The following ACTR3B variants were observed in gnomAD, a reference collection of about 807,000 sequenced individuals.
The protein encoded by ACTR3B is actin-related protein 3B.
Under a neutral mutation model 59.0 loss-of-function variants are expected in ACTR3B, and 8 were observed. That is an observed-to-expected ratio of 0.14 (90% CI 0.08 to 0.24). The LOEUF is 0.24. Among genes scored for constraint, ACTR3B ranks in the 10% least tolerant of loss-of-function variants. ACTR3B has a pLI of 1.00. For missense variants in ACTR3B, 245 were observed against 552.3 expected (o/e 0.44, Z 5.58); for synonymous variants, 148 against 197.9 (o/e 0.75, Z 2.12).
chr7:152,780,456 C>G lies in ACTR3B; in HGVS notation c.45-2731C>G, dbSNP rs545515949. Among the ~76,000 whole-genome samples the G allele has an allele frequency of 4.8e-4, 73 of 151,496 alleles. 1 individual carries two copies. The highest frequency in any genetic ancestry group is 1.7e-3 in the African/African-American group (72 of 41,168). ...ACTTAAGGTACCCGTGTGACTTTGACAGAGACCTCCTTCCAAGACTATACT... is the reference window on the plus strand; with the variant it reads ...ACTTAAGGTACCCGTGTGACTTTGAGAGAGACCTCCTTCCAAGACTATACT... On this transcript the variant is annotated intron_variant, in intron 1 of 11. Transcript: ENST00000256001.
chr7:152,850,215 C>G (rs967215053), intron 9 of ACTR3B, among the ~76,000 whole-genome samples: 1 of 150,338 alleles, frequency 6.7e-6, no homozygotes, highest in Non-Finnish European at 1.5e-5. Context: ...GGTAGAAGTT[C>G]AGATCACTGG....
In ACTR3B at chr7:152,777,949, C is replaced by CA. The variant is rs113672566; in HGVS notation, c.45-5224dup. Among the ~76,000 whole-genome samples, 451 of 124,334 alleles carry CA rather than the reference C, an allele frequency of 3.6e-3. 3 individuals carry two copies. The highest frequency in any genetic ancestry group is 8.6e-3 in the African/African-American group (294 of 34,270). The allele number at this position is 124,334 out of a possible 152,430, so 81.6% of individuals were successfully genotyped here. The stretch of plus-strand genomic sequence containing the variant: ...TGGGTGACAGAGCAAGACTCCGTCT[C>CA]AAAAAAAAAAAAAAGAATTAAATTT... On this transcript the variant is annotated intron_variant, in intron 1 of 11. Transcript: ENST00000256001.
At chr7:152,822,491 C>A (rs1020985893) in intron 7 of ACTR3B, among the ~76,000 whole-genome samples, 1 of 152,262 alleles carries the variant, frequency 6.6e-6, no homozygotes, top group Admixed American at 6.5e-5. Context: ...GGGCGGGAAT[C>A]GTTAGCGACT....
At chr7:152,761,419 A>G (rs1456650963) in intron 1 of ACTR3B, among the ~76,000 whole-genome samples, 1 of 152,250 alleles carries the variant, frequency 6.6e-6, no homozygotes, top group East Asian at 1.9e-4. Flanking sequence ...CTATTAAAAT[A>G]TAAAGGAATT....
chr7:152,845,514 A>G (rs534144086), intron 9 of ACTR3B, among the ~76,000 whole-genome samples: 19 of 152,328 alleles, frequency 1.2e-4, no homozygotes, highest in African/African-American at 4.3e-4. Flanking sequence ...TGAGCTGGAC[A>G]CTTGGAGCTC....
At chr7:152,811,099 G>A (rs999714496) in intron 4 of ACTR3B, 13 of 149,204 alleles carry the variant, frequency 8.7e-5, no homozygotes, top group South Asian at 4.3e-4. Context: ...TTCTGATACA[G>A]ACAATGTTGA....
intron 9 of ACTR3B, among the ~76,000 whole-genome samples, chr7:152,834,155 GTTT>G (rs779609053): frequency 7.2e-6 from 1 of 138,300 alleles, no homozygotes. Flanking sequence ...CGCTGTTTTT[GTTT>G]TTTTTTTTTT....
intron 9 of ACTR3B, among the ~76,000 whole-genome samples, chr7:152,840,464 G>A (rs73728861): frequency 0.098 from 14,916 of 152,014 alleles, 701 homozygotes; most frequent in African/African-American, 0.14. Flanking sequence ...GCCCACGGGT[G>A]GGGGGTTTGC....
intron 2 of ACTR3B, among the ~76,000 whole-genome samples, chr7:152,789,071 AAC>A (rs2098185674): frequency 6.6e-6 from 1 of 151,760 alleles, no homozygotes; most frequent in Non-Finnish European, 1.5e-5. Flanking sequence ...AACAAACAAC[AAC>A]AACAACAACA....
chr7:152,821,047 A>G (rs1396998152), intron 7 of ACTR3B, among the ~76,000 whole-genome samples: 1 of 152,106 alleles, frequency 6.6e-6, no homozygotes, highest in Admixed American at 6.5e-5. Flanking sequence ...TTAGGTCAGG[A>G]GGCACTGGCA....
rs1447249163 is a variant in ACTR3B at position 152,852,135 on chromosome 7, C to T, written c.961C>T (p.Leu321Phe). The change falls in exon 10 of 12, where the codon CTC (leucine) becomes TTC (phenylalanine). Residue 321 changes from leucine to phenylalanine, a missense_variant. Transcript: ENST00000256001. ...VRRPLYKNVV[L>F]SGGSTMFRDF... The stretch of plus-strand genomic sequence containing the variant: ...GCTTTGTGTCTTGTAGAATGTCGTA[C>T]TCTCAGGAGGCTCCACCATGTTCAG... 1 of 1,614,004 alleles carries T rather than the reference C, an allele frequency of 6.2e-7. No individual in the cohort carries two copies. The highest frequency in any genetic ancestry group is 8.5e-7 in the Non-Finnish European group (1 of 1,180,024).
intron 5 of ACTR3B, among the ~76,000 whole-genome samples, chr7:152,815,931 T>C (rs1202202498): frequency 6.6e-6 from 1 of 152,174 alleles, no homozygotes; most frequent in African/African-American, 2.4e-5. Context: ...TGTAAAACTT[T>C]AGTTTTTTTT....
chr7:152,780,443 C>T (rs533244128), intron 1 of ACTR3B, among the ~76,000 whole-genome samples: 29 of 151,254 alleles, frequency 1.9e-4, no homozygotes, highest in East Asian at 1.9e-4. Flanking sequence ...TTAAGGTACC[C>T]GTGTGACTTT....
rs952216525 is a variant in ACTR3B at position 152,817,170 on chromosome 7, A to G, written c.540+582A>G. Among the ~76,000 whole-genome samples the G allele has an allele frequency of 4.7e-4, 72 of 152,244 alleles. 1 individual carries two copies. Among genetic ancestry groups the G allele is most frequent in the African/African-American group, 1.6e-3 (67 of 41,542 alleles). ...GAGGCCAAGGCGGGCGGATCACCTG[A>G]GGTCGGGAATTTGAGACCTGCCTGA... On this transcript the variant is annotated intron_variant, in intron 6 of 11. Transcript: ENST00000256001.
chr7:152,849,364 C>CAG (rs1277089592), intron 9 of ACTR3B, among the ~76,000 whole-genome samples: 8 of 152,206 alleles, frequency 5.3e-5, no homozygotes, highest in Admixed American at 3.3e-4. Flanking sequence ...TTCACTGCTG[C>CAG]AGAGAGCCCT....
At chr7:152,764,465 C>G (rs1260848734) in intron 1 of ACTR3B, among the ~76,000 whole-genome samples, 1 of 151,194 alleles carries the variant, frequency 6.6e-6, no homozygotes, top group Non-Finnish European at 1.5e-5. Context: ...AACCCCGTCT[C>G]TACTAAAAAA....
intron 9 of ACTR3B, among the ~76,000 whole-genome samples, chr7:152,849,421 G>T (rs1798621316): frequency 6.6e-6 from 1 of 152,174 alleles, no homozygotes; most frequent in Non-Finnish European, 1.5e-5. Context: ...TGAAGGCCAA[G>T]CCCAGATCCT....
At chr7:152,844,529 T>G (rs1798118326) in intron 9 of ACTR3B, among the ~76,000 whole-genome samples, 1 of 152,028 alleles carries the variant, frequency 6.6e-6, no homozygotes, top group Non-Finnish European at 1.5e-5. Context: ...AAATAGAAAT[T>G]TATCTGAAAA....
chr7:152,853,448 A>G, intron 10 of ACTR3B, 46 bp from the exon 11 acceptor site: 5 of 1,572,018 alleles, frequency 3.2e-6, no homozygotes, highest in Non-Finnish European at 4.4e-6. Context: ...ATTAGATCAC[A>G]TGTGTCTGTG....
Sources: gnomAD v4.1 joint callset for allele counts (sites outside exome capture counted in the v4.1 genomes callset) on GRCh38, gnomAD v4.1.1 for gene constraint, MANE v1.5 for transcripts, NCBI Gene and HGNC (gene_info 2026-07-23, HGNC 2026-07-21) for gene names.